EFEMP2: variants seen among roughly 807,000 people sequenced by gnomAD.
EFEMP2 encodes EGF-containing fibulin-like extracellular matrix protein 2.
A neutral mutation model predicts 55.3 loss-of-function variants in EFEMP2; 21 were observed. That is an observed-to-expected ratio of 0.38 (90% CI 0.27 to 0.55). EFEMP2 has a LOEUF of 0.55. EFEMP2 is among the 20% of genes least tolerant of loss of function. The pLI is 0.77. For synonymous variants in EFEMP2, 275 were observed against 242.3 expected (o/e 1.14, Z -1.25); for missense variants, 513 against 615.1 (o/e 0.83, Z 1.76).
In EFEMP2 at chr11:65,872,275, G is replaced by C. The variant is rs770178569; in HGVS notation, c.80C>G (p.Pro27Arg). The C allele has an allele frequency of 6.4e-7, 1 of 1,551,666 alleles. No individual in the cohort carries two copies. The highest frequency in any genetic ancestry group is 1.2e-5 in the South Asian group (1 of 84,060). The part of the protein sequence containing the change: ...LLLLLLGSAS[P>R]QDSEEPDSYT... ...GCTGTCGGGCTCTTCAGAATCCTGA[G>C]GAGAAGCTGATCCCAAGAGCAACAG... The change falls in exon 2 of 11, where the codon CCT (proline) becomes CGT (arginine). Residue 27 changes from proline to arginine, a missense_variant. Physicochemically the swap from Pro to Arg is moderately radical, Grantham distance 103. Coordinates refer to ENST00000307998, the MANE Select transcript of EFEMP2 (RefSeq NM_016938.5).
At chr11:65,870,495 G>A (rs1432246264) in intron 5 of EFEMP2, 41 bp downstream of exon 5, 2 of 1,612,766 alleles carry the variant, frequency 1.2e-6, no homozygotes, top group Admixed American at 3.3e-5. Flanking sequence ...CCAGACCAGG[G>A]ACACAAAGCC....
In EFEMP2 at chr11:65,866,768, C is replaced by G; in HGVS notation, c.*150G>C. On this transcript the variant is annotated 3_prime_UTR_variant, in exon 11 of 11. Transcript: ENST00000307998. Reference sequence around the variant, plus strand: ...ACTTGGCCTGCCCCCCCAAGTGCCACCCTGCCCCAGCCTGAGGCTTCCTGC... The same window carrying G: ...ACTTGGCCTGCCCCCCCAAGTGCCAGCCTGCCCCAGCCTGAGGCTTCCTGC... 1.9e-6 allele frequency: 2 copies of G among 1,064,666 alleles called. No homozygotes were observed. Among genetic ancestry groups the G allele is most frequent in the Non-Finnish European group, 2.8e-6 (2 of 709,572 alleles). The allele number at this position is 1,064,666 out of a possible 1,614,324, so 66.0% of individuals were successfully genotyped here.
chr11:65,871,341 G>T lies in EFEMP2; in HGVS notation c.183C>A (p.Ile61=). The change falls in exon 4 of 11, where the codon ATC becomes ATA. Residue 61 remains isoleucine, a synonymous_variant. Coordinates refer to ENST00000307998, the MANE Select transcript of EFEMP2 (RefSeq NM_016938.5). ...TCATTTCCCCCTTGCAGGCCTCAGG[G>T]ATGGTCAGACACTCGTTGACATCTG... ...HCRDVNECLT[I]PEACKGEMKC... 1 of 1,614,152 alleles carries T rather than the reference G, an allele frequency of 6.2e-7. No homozygotes were observed. The highest frequency in any genetic ancestry group is 1.3e-5 in the African/African-American group (1 of 75,034).
In EFEMP2 at chr11:65,868,020, T is replaced by C. The variant is rs2134746954; in HGVS notation, c.1011A>G (p.Arg337=). ...GGTGCACAATGGATGAAGGCTGCTC[T>C]CGACATAGAGGGTTGGAGGCCGGGC... ...CLCPASNPLC[R]EQPSSIVHRY... Residue 337 remains arginine, a synonymous_variant, in exon 10 of 11, where the codon CGA becomes CGG. Coordinates refer to ENST00000307998, the MANE Select transcript of EFEMP2 (RefSeq NM_016938.5). The C allele has an allele frequency of 6.2e-7, 1 of 1,613,940 alleles. No homozygotes were observed. The highest frequency in any genetic ancestry group is 8.5e-7 in the Non-Finnish European group (1 of 1,180,008).
rs111927255 is a variant in EFEMP2, at chr11:65,870,416, C to T, written c.490+120G>A. ...CGCTACAGTCCTCTGTGTCTGATGA[C>T]GGAGGGTGAGGTGGCAGGGGCCGGG... On this transcript the variant is annotated intron_variant, in intron 5 of 10. Transcript: ENST00000307998. 305 of 1,514,042 alleles carry T rather than the reference C, an allele frequency of 2.0e-4. 1 individual carries two copies. The highest frequency in any genetic ancestry group is 8.3e-4 in the Middle Eastern group (4 of 4,818). 93.8% of individuals were successfully genotyped at this position (1,514,042 alleles called of 1,614,324 possible).
intron 8 of EFEMP2, 40 bp downstream of exon 8, chr11:65,868,467 GCTC>G (rs1278916600): frequency 6.2e-6 from 10 of 1,613,686 alleles, no homozygotes; most frequent in African/African-American, 1.3e-5. Context: ...CAGGCTGCCA[GCTC>G]CTGACACCGT....
intron 7 of EFEMP2, chr11:65,869,632 A>C (rs1054065833): frequency 8.1e-6 from 5 of 614,248 alleles, no homozygotes; most frequent in Non-Finnish European, 1.4e-5. Context: ...CCACATCCTC[A>C]GTCTCACCAG....
At chr11:65,872,390 C>A in intron 1 of EFEMP2, 29 bp from the exon 2 acceptor site, 1 of 1,473,218 alleles carries the variant, frequency 6.8e-7, no homozygotes, top group Non-Finnish European at 9.3e-7. Context: ...GGGTCAGGGG[C>A]CTCTGCCCGC....
intron 9 of EFEMP2, 112 bp downstream of exon 9, chr11:65,868,181 CTA>C: frequency 6.4e-7 from 1 of 1,567,740 alleles, no homozygotes; most frequent in Non-Finnish European, 8.7e-7. Context: ...TCATGAAGGA[CTA>C]TGATTCCCAT....
At chr11:65,870,746 C>G (rs1565274174) in intron 4 of EFEMP2, 88 bp from the exon 5 acceptor site, 6 of 1,594,036 alleles carry the variant, frequency 3.8e-6, no homozygotes, top group Non-Finnish European at 5.1e-6. Flanking sequence ...TCGGTTCTCT[C>G]AACAGCACGC....
chr11:65,871,795 C>T lies in EFEMP2; in HGVS notation c.160+175G>A, dbSNP rs1001955338. On this transcript the variant is annotated intron_variant, in intron 3 of 10. Transcript: ENST00000307998. ...GGTTTCTGGGAGAGGATGAGGCCAC[C>T]CCTAGCTCAACTGGCCTCCAGAGAG... 9.0e-6 allele frequency: 7 copies of T among 779,542 alleles called. No homozygotes were observed. The African/African-American group carries it at 1.0e-4, about 11-fold the overall frequency. 48.3% of individuals were successfully genotyped at this position (779,542 alleles called of 1,614,324 possible). A position where few individuals can be genotyped will look rare whatever the true frequency, so the allele number is the denominator to read the frequency against.
rs756802378 is a variant in EFEMP2 at position 65,872,758 on chromosome 11, C to T, written c.-83G>A. On this transcript the variant is annotated 5_prime_UTR_variant, in exon 1 of 11. Transcript: ENST00000307998. The stretch of plus-strand genomic sequence containing the variant: ...CGGGCAATGCCTGCGGGCAGACGGA[C>T]GGGCGGACGGCACAGCTCCCTGGAC... 1 of 329,878 alleles carries T rather than the reference C, an allele frequency of 3.0e-6. No individual in the cohort carries two copies. Among genetic ancestry groups the T allele is most frequent in the South Asian group, 2.1e-5 (1 of 46,754 alleles). The allele number at this position is 329,878 out of a possible 1,614,324, so 20.4% of individuals were successfully genotyped here.
rs1403711858 is a variant in EFEMP2 at position 65,870,179 on chromosome 11, G to A, written c.549C>T (p.Ser183=). Reference sequence around the variant, plus strand: ...AGCCCGGCTCGCACTGGCAGCGGAAGGAGCCAGGCAGGTTCACGCAGCGGT... The same window carrying A: ...AGCCCGGCTCGCACTGGCAGCGGAAAGAGCCAGGCAGGTTCACGCAGCGGT... ...CQHRCVNLPG[S]FRCQCEPGFQ... Residue 183 remains serine (S), a synonymous_variant, in exon 6 of 11, where the codon TCC becomes TCT. Coordinates refer to ENST00000307998, the MANE Select transcript of EFEMP2 (RefSeq NM_016938.5). 1 of 1,613,858 alleles carries A rather than the reference G, an allele frequency of 6.2e-7. No individual in the cohort carries two copies. Among genetic ancestry groups the A allele is most frequent in the African/African-American group, 1.3e-5 (1 of 75,050 alleles).
intron 4 of EFEMP2, 81 bp downstream of exon 4, chr11:65,871,076 G>A: frequency 6.6e-7 from 1 of 1,515,440 alleles, no homozygotes; most frequent in Non-Finnish European, 9.0e-7. Flanking sequence ...GCCCTTTTGA[G>A]CTGGGGAGGA....
At position 65,872,696 on chromosome 11, in the gene EFEMP2, AC is replaced by A. The variant is rs1462566163; in HGVS notation, c.-22del. On this transcript the variant is annotated 5_prime_UTR_variant, in exon 1 of 11. Transcript: ENST00000307998. ...ACAGCCACTCACTTGGGCCCGCGACACCCCCGCGGCCCGCGGCTCTGGCGGC... is the reference window on the plus strand; with the variant it reads ...ACAGCCACTCACTTGGGCCCGCGACACCCCGCGGCCCGCGGCTCTGGCGGC... 1.8e-5 allele frequency: 6 copies of A among 342,154 alleles called. No individual in the cohort carries two copies. The highest frequency in any genetic ancestry group is 2.3e-5 in the Non-Finnish European group (4 of 171,446). The allele number at this position is 342,154 out of a possible 1,614,324, so 21.2% of individuals were successfully genotyped here.
intron 7 of EFEMP2, chr11:65,868,974 C>T (rs1010831498): frequency 8.5e-6 from 3 of 352,248 alleles, no homozygotes; most frequent in Non-Finnish European, 1.6e-5. Context: ...ATGGGTCTGG[C>T]TTGTGCTGTA....
chr11:65,869,135 TAGG>T (rs1043206083), intron 7 of EFEMP2: 4 of 244,778 alleles, frequency 1.6e-5, no homozygotes, highest in African/African-American at 9.0e-5. Flanking sequence ...AAGCATAACA[TAGG>T]GGGTACATGC....
At chr11:65,867,238 GTC>G in intron 10 of EFEMP2, 159 bp from the exon 11 acceptor site, 1 of 775,794 alleles carries the variant, frequency 1.3e-6, no homozygotes, top group Non-Finnish European at 2.1e-6. Flanking sequence ...CACCCTCGAT[GTC>G]TCTCCTCCCC....
intron 6 of EFEMP2, 65 bp from the exon 7 acceptor site, chr11:65,870,041 C>T: frequency 6.2e-7 from 1 of 1,613,320 alleles, no homozygotes; most frequent in African/African-American, 1.3e-5. Context: ...TCCACTCTAC[C>T]TGGGCTGGTC....
Sources: gnomAD v4.1 joint callset for allele counts on GRCh38, gnomAD v4.1.1 for gene constraint, MANE v1.5 for transcripts, NCBI Gene and HGNC (gene_info 2026-07-23, HGNC 2026-07-21) for gene names.